Variants in MGAM observed in about 807,000 individuals in gnomAD.
The protein encoded by MGAM is alpha-1,4-glucosidase.
A neutral mutation model predicts 358.8 loss-of-function variants in MGAM; 253 were observed. The ratio of observed to expected loss-of-function variants is 0.71; its 90% CI spans 0.64 to 0.78. The LOEUF (loss-of-function observed/expected upper bound fraction) is 0.78, where lower values mean the gene tolerates loss of function less well. Ranked by LOEUF, MGAM falls within the 30% of genes least tolerant of loss-of-function variation. The probability of loss-of-function intolerance (pLI) is 0.00; values close to 1 mark genes in which losing one functional copy is unlikely to be tolerated. For synonymous variants in MGAM, 1,105 were observed against 1,227.1 expected, an observed-to-expected ratio of 0.90 and a Z score of 2.08; for missense variants, 3,080 against 3,432.6, an observed-to-expected ratio of 0.90 and a Z score of 2.57.
At chr7:142,020,941 A>T (rs1554458454) in intron 4 of MGAM, 33 bp from the exon 5 acceptor site, 2 of 1,442,336 alleles carry the variant, frequency 1.4e-6, no homozygotes, top group South Asian at 2.3e-5. Flanking sequence ...TTGCAGAGTC[A>T]ACTATGAAAA....
intron 12 of MGAM, 84 bp downstream of exon 12, chr7:142,030,841 C>T (rs1807423910): frequency 6.2e-6 from 4 of 648,678 alleles, no homozygotes; most frequent in Non-Finnish European, 1.0e-5. Flanking sequence ...TGTGTGTGTG[C>T]ATGTAATTGT....
At chr7:142,052,720 T>TTTAG in intron 25 of MGAM, 64 bp from the exon 26 acceptor site, 2 of 1,572,454 alleles carry the variant, frequency 1.3e-6, no homozygotes, top group Non-Finnish European at 1.7e-6. Flanking sequence ...ACTAACCCTG[T>TTTAG]TTAGGTTAGA....
In MGAM at chr7:142,076,227, T is replaced by A; in HGVS notation, c.5300T>A (p.Leu1767His). Reference protein sequence around the residue: ...TKDTVAKKVYLLCEFSVTQNH... With the variant: ...TKDTVAKKVYHLCEFSVTQNH... Reference sequence around the variant, plus strand: ...GATACTGTGGCCAAGAAAGTATATCTTTTATGTGAGTTTTCTGTCACTCAA... The same window carrying A: ...GATACTGTGGCCAAGAAAGTATATCATTTATGTGAGTTTTCTGTCACTCAA... Residue 1767 changes from leucine (L) to histidine (H), a missense_variant, in exon 46 of 71, where the codon CTT (leucine) becomes CAT (histidine). By Grantham distance (99) the Leu-to-His change is moderately conservative. Around this residue, in one of 5 missense-constraint regions of MGAM, gnomAD observed 932 missense variants for 1,198.2 expected, o/e 0.78. Transcript: ENST00000475668. 6.5e-7 allele frequency: 1 copy of A among 1,547,800 alleles called. No individual in the cohort carries two copies. Among genetic ancestry groups the A allele is most frequent in the Non-Finnish European group, 8.9e-7 (1 of 1,127,420 alleles).
chr7:142,059,810 A>G (rs1811929870), intron 32 of MGAM, 46 bp from the exon 33 acceptor site: 1 of 1,583,256 alleles, frequency 6.3e-7, no homozygotes, highest in Non-Finnish European at 8.6e-7. Flanking sequence ...GTTTCTCCTC[A>G]TTCTCTGGCT....
rs571398250 is a variant in MGAM, at chr7:142,035,919, C to A, written c.1960-250C>A. ...TTACTTTTATTACCTCATTCATTTA[C>A]GAAATACCTGTGTAGTAATTTAGTA... On this transcript the variant is annotated intron_variant, in intron 16 of 70. Transcript: ENST00000475668. Among the ~76,000 whole-genome samples, 12 of 152,072 alleles carry A rather than the reference C, an allele frequency of 7.9e-5. 1 individual carries two copies. The highest frequency in any genetic ancestry group is 1.3e-4 in the Non-Finnish European group (9 of 68,014).
chr7:142,035,423 C>T (rs1281818873), intron 16 of MGAM, among the ~76,000 whole-genome samples: 1 of 151,890 alleles, frequency 6.6e-6, no homozygotes, highest in Non-Finnish European at 1.5e-5. Flanking sequence ...CCAACAGGGA[C>T]GTATGAGTTA....
chr7:142,082,027 C>T lies in MGAM; in HGVS notation c.6003-15C>T, dbSNP rs778253949. 219 of 1,553,514 alleles carry T rather than the reference C, an allele frequency of 1.4e-4. 32 individuals are homozygous for T. Among genetic ancestry groups the T allele is most frequent in the Non-Finnish European group, 1.8e-4 (206 of 1,131,288 alleles). ...AGCCCATTTTCTGTTTCAAATCTGC[C>T]TTTTTGTGTTTCAGTTGGGACTCTC... On this transcript the variant is annotated splice_polypyrimidine_tract_variant and intron_variant, in intron 50 of 70. Transcript: ENST00000475668.
At chr7:142,067,605 T>C (rs1270928813) in intron 42 of MGAM, among the ~76,000 whole-genome samples, 180 bp downstream of exon 42, 3 of 141,680 alleles carry the variant, frequency 2.1e-5, no homozygotes, top group Non-Finnish European at 4.8e-5. Flanking sequence ...CTCAGCTCCT[T>C]CATCTTTAAA....
intron 21 of MGAM, among the ~76,000 whole-genome samples, chr7:142,043,135 T>TAG (rs1399279262): frequency 0.032 from 427 of 13,528 alleles, no homozygotes; most frequent in Non-Finnish European, 0.042. Flanking sequence ...ATATATTATA[T>TAG]ATACATATAA....
chr7:142,055,672 G>C lies in MGAM; in HGVS notation c.3429G>C (p.Arg1143Ser), dbSNP rs1199615922. 6.2e-7 allele frequency: 1 copy of C among 1,613,744 alleles called. No homozygotes were observed. The highest frequency in any genetic ancestry group is 8.5e-7 in the Non-Finnish European group (1 of 1,179,870). ...GGGAAACTGAGCACAGGTCCTATAG[G>C]AGAGACTTGGAGTGGCACACTTGGG... ...GFGETEHRSY[R>S]RDLEWHTWGM... The change falls in exon 28 of 71, where the codon AGG becomes AGC. Residue 1143 changes from arginine to serine, a missense_variant. This residue lies in a region of MGAM where 1,816 missense variants were observed against 1,840.5 expected (regional missense o/e 0.99). Coordinates refer to ENST00000475668, the MANE Select transcript of MGAM (RefSeq NM_001365693.1).
chr7:142,061,730 A>G (rs1407066123), intron 34 of MGAM, among the ~76,000 whole-genome samples: 1 of 152,178 alleles, frequency 6.6e-6, no homozygotes, highest in African/African-American at 2.4e-5. Context: ...GTAATGTTCT[A>G]TAACAAACAA....
Position 142,096,338 on chromosome 7 carries a change from T to A in MGAM, c.7615T>A (p.Ser2539Thr). ...CTTCATTTCCCTTTCCAGGTTTGTG[T>A]CAGACCAGGTGACATGGGACATAGA... Reference protein sequence around the residue: ...VVRPLLHEFVSDQVTWDIDSQ... With the variant: ...VVRPLLHEFVTDQVTWDIDSQ... Residue 2539 changes from serine to threonine, a missense_variant, in exon 65 of 71, where the codon TCA (serine) becomes ACA (threonine). By Grantham distance (58) the Ser-to-Thr change is moderately conservative. Coordinates refer to ENST00000475668, the MANE Select transcript of MGAM (RefSeq NM_001365693.1). The A allele has an allele frequency of 6.2e-7, 1 of 1,613,480 alleles. No individual in the cohort carries two copies. Among genetic ancestry groups the A allele is most frequent in the Non-Finnish European group, 8.5e-7 (1 of 1,179,494 alleles).
Position 142,084,570 on chromosome 7 carries a change from T to C in MGAM, c.6433T>C (p.Cys2145Arg), listed in dbSNP as rs1411694188. ...VPYWSLGFQL[C>R]RYGYQNDSEI... ...TTACTGGTCTTTGGGGTTCCAGCTG[T>C]GTCGCTATGGCTACCAGAACGACTC... The change falls in exon 54 of 71, where the codon TGT becomes CGT. Residue 2145 changes from cysteine (C) to arginine (R), a missense_variant. Transcript: ENST00000475668. 1 of 1,556,314 alleles carries C rather than the reference T, an allele frequency of 6.4e-7. No individual in the cohort carries two copies.
intron 57 of MGAM, among the ~76,000 whole-genome samples, chr7:142,088,344 A>G (rs1037735187): frequency 2.1e-5 from 3 of 146,050 alleles, no homozygotes; most frequent in African/African-American, 4.9e-5. Context: ...GAAGATTGGC[A>G]AGAACGAGTC....
At chr7:142,026,050 AC>A (rs1298329285) in intron 8 of MGAM, among the ~76,000 whole-genome samples, 1 of 152,128 alleles carries the variant, frequency 6.6e-6, no homozygotes, top group Non-Finnish European at 1.5e-5. Context: ...GATCCTAGAT[AC>A]TCTGTATGAG....
intron 11 of MGAM, 60 bp downstream of exon 11, chr7:142,030,553 C>A: frequency 6.2e-7 from 1 of 1,609,242 alleles, no homozygotes; most frequent in Non-Finnish European, 8.5e-7. Context: ...ATACACCCAT[C>A]TCTCCTGCTT....
rs978559421 is a variant in MGAM, at chr7:142,039,158, T to G, written c.2316+543T>G. ...TCTCACTCTGTCACCCAGGCTGGAG[T>G]GCAGTGGCACAATCCCAGCTCACTG... On this transcript the variant is annotated intron_variant, in intron 19 of 70. Transcript: ENST00000475668. Among the ~76,000 whole-genome samples the G allele has an allele frequency of 2.6e-3, 368 of 142,262 alleles. 2 individuals carry two copies. Among genetic ancestry groups the G allele is most frequent in the African/African-American group, 9.1e-3 (336 of 37,024 alleles). The allele number at this position is 142,262 out of a possible 152,430, so 93.3% of individuals were successfully genotyped here.
At chr7:142,001,021 T>A (rs530141185) in intron 1 of MGAM, among the ~76,000 whole-genome samples, 1 of 152,236 alleles carries the variant, frequency 6.6e-6, no homozygotes, top group Admixed American at 6.5e-5. Context: ...ACTCCTCTTC[T>A]TATCAGTGAA....
At chr7:142,010,127 A>T (rs1480133071) in intron 3 of MGAM, among the ~76,000 whole-genome samples, 2 of 152,152 alleles carry the variant, frequency 1.3e-5, no homozygotes, top group Non-Finnish European at 2.9e-5. Context: ...ATCCTTTTCC[A>T]GTACAGGAGG....
Sources: gnomAD v4.1 joint callset for allele counts (sites outside exome capture counted in the v4.1 genomes callset) on GRCh38, gnomAD v4.1.1 for gene constraint, gnomAD v4.1.1 regional missense constraint, MANE v1.5 for transcripts, NCBI Gene and HGNC (gene_info 2026-07-23, HGNC 2026-07-21) for gene names.